The following DEPDC5 variants were observed in gnomAD, a reference collection of about 807,000 sequenced individuals.
DEPDC5 encodes GATOR1 complex protein DEPDC5.
Under a neutral mutation model 217.3 loss-of-function variants are expected in DEPDC5, and 73 were observed. The observed-to-expected ratio is 0.34, with a 90% CI of 0.28 to 0.41. The LOEUF (loss-of-function observed/expected upper bound fraction) is 0.41. Ranked by LOEUF, DEPDC5 falls within the 10% of genes least tolerant of loss-of-function variation. The pLI is 1.00. For synonymous variants in DEPDC5, 733 were observed against 756.7 expected (o/e 0.97, Z 0.51); for missense variants, 1,675 against 2,070.1 (o/e 0.81, Z 3.70).
At chr22:31,859,079 G>GTTTTTTTTTT (rs136864) in intron 32 of DEPDC5, 9 of 67,018 alleles carry the variant, frequency 1.3e-4, no homozygotes, top group Non-Finnish European at 2.2e-4. Context: ...CCATTCCTTT[G>GTTTTTTTTTT]TTTTTTTTTT....
At chr22:31,827,961 C>T (rs539562253) in intron 24 of DEPDC5, among the ~76,000 whole-genome samples, 2 of 152,300 alleles carry the variant, frequency 1.3e-5, no homozygotes, top group African/African-American at 2.4e-5. Context: ...TCCCACAGCT[C>T]GCTCTCTCGC....
At chr22:31,780,756 G>A (rs2084348127) in intron 8 of DEPDC5, among the ~76,000 whole-genome samples, 1 of 152,228 alleles carries the variant, frequency 6.6e-6, no homozygotes, top group South Asian at 2.1e-4. Context: ...CCACACTGCA[G>A]TAGGTGCGCT....
intron 6 of DEPDC5, among the ~76,000 whole-genome samples, chr22:31,768,211 A>G (rs1305991610): frequency 6.6e-6 from 1 of 151,872 alleles, no homozygotes. Context: ...AGTACACCAC[A>G]CCCACATTTA....
rs2093754451 is a variant in DEPDC5, at chr22:31,906,158, G to A, written c.4520-47G>A. 2 of 1,612,904 alleles carry A rather than the reference G, an allele frequency of 1.2e-6. No individual in the cohort carries two copies. Among genetic ancestry groups the A allele is most frequent in the Admixed American group, 1.7e-5 (1 of 59,894 alleles). On this transcript the variant is annotated intron_variant, in intron 42 of 42. Transcript: ENST00000651528. This position sits in a 1 kb window ranked among gnomAD's most constrained non-coding sequence, Gnocchi z 5.1. ...TGCAGAACCACCTCAGCAGGCTCCA[G>A]GAGCCCTCCTGGTGGCTGCCACACA...
At chr22:31,901,496 A>G (rs2093648080) in intron 40 of DEPDC5, among the ~76,000 whole-genome samples, 1 of 152,178 alleles carries the variant, frequency 6.6e-6, no homozygotes, top group African/African-American at 2.4e-5. Flanking sequence ...CTGACTGCTG[A>G]GGACTTCACC....
At chr22:31,763,412 A>G (rs373509253) in intron 4 of DEPDC5, among the ~76,000 whole-genome samples, 3 of 150,280 alleles carry the variant, frequency 2.0e-5, no homozygotes, top group African/African-American at 7.3e-5. Context: ...GGCGTGAGCC[A>G]CTGCACCATT....
chr22:31,794,331 C>A (rs2086005935), intron 12 of DEPDC5, among the ~76,000 whole-genome samples: 2 of 152,016 alleles, frequency 1.3e-5, no homozygotes, highest in South Asian at 4.1e-4. Flanking sequence ...CATGAGAGCT[C>A]TTCTGACTTA....
intron 26 of DEPDC5, 91 bp from the exon 27 acceptor site, chr22:31,838,594 G>T: frequency 6.6e-7 from 1 of 1,521,990 alleles, no homozygotes. Context: ...GTTATAAGGG[G>T]ATGAAGCAAA....
At chr22:31,824,366 A>G (rs537421163) in intron 24 of DEPDC5, among the ~76,000 whole-genome samples, 1 of 152,110 alleles carries the variant, frequency 6.6e-6, no homozygotes, top group Non-Finnish European at 1.5e-5. Context: ...AAAAAAAGAA[A>G]GGTGTCATGA....
At chr22:31,835,394 G>A (rs994199145) in intron 25 of DEPDC5, among the ~76,000 whole-genome samples, 1 of 152,142 alleles carries the variant, frequency 6.6e-6, no homozygotes, top group Non-Finnish European at 1.5e-5. Context: ...AGATACTGGG[G>A]TTAGAAAAGA....
chr22:31,803,446 T>C (rs1316667559), intron 15 of DEPDC5, among the ~76,000 whole-genome samples: 1 of 152,066 alleles, frequency 6.6e-6, no homozygotes, highest in Non-Finnish European at 1.5e-5. Context: ...TCTCCTGACC[T>C]TGTGATCCGC....
intron 12 of DEPDC5, 150 bp downstream of exon 12, chr22:31,792,967 G>C (rs898388211): frequency 6.5e-5 from 33 of 509,110 alleles, no homozygotes; most frequent in Admixed American, 4.8e-5. Context: ...CTACTTGGGA[G>C]GCTGAGGTGG....
intron 18 of DEPDC5, among the ~76,000 whole-genome samples, chr22:31,809,181 CAG>C (rs2148694364): frequency 6.6e-6 from 1 of 152,196 alleles, no homozygotes; most frequent in Admixed American, 6.5e-5. Context: ...GGGTGATATA[CAG>C]AGTGCTCAGC....
chr22:31,884,289 C>G lies in DEPDC5; in HGVS notation c.4033+4537C>G, dbSNP rs570437019. Among the ~76,000 whole-genome samples, 213 of 152,274 alleles carry G rather than the reference C, an allele frequency of 1.4e-3. 5 individuals are homozygous for G. The highest frequency in any genetic ancestry group is 7.3e-5 in the Non-Finnish European group (5 of 68,030). ...CTCAGTGTAGCACTTTGGCAGTCATCCCCCTCCCTGAATTCTCCCTCTCTG... is the reference window on the plus strand; with the variant it reads ...CTCAGTGTAGCACTTTGGCAGTCATGCCCCTCCCTGAATTCTCCCTCTCTG... On this transcript the variant is annotated intron_variant, in intron 38 of 42. Transcript: ENST00000651528.
At chr22:31,833,097 C>G (rs2090724203) in intron 24 of DEPDC5, among the ~76,000 whole-genome samples, 1 of 152,218 alleles carries the variant, frequency 6.6e-6, no homozygotes, top group African/African-American at 2.4e-5. Context: ...GTGTCTCACT[C>G]TATCACCCAG....
chr22:31,807,487 A>G (rs1040748732), intron 18 of DEPDC5, among the ~76,000 whole-genome samples: 1 of 152,186 alleles, frequency 6.6e-6, no homozygotes, highest in African/African-American at 2.4e-5. Flanking sequence ...GCTGGAGTGC[A>G]GTGGCGTGAT....
rs184219750 is a variant in DEPDC5, at chr22:31,782,979, T to C, written c.484-928T>C. 4.3e-3 allele frequency among the ~76,000 whole-genome samples: 648 copies of C among 152,268 alleles called. 2 individuals are homozygous for C. The highest frequency in any genetic ancestry group is 7.6e-3 in the Non-Finnish European group (515 of 68,012). ...TGTGGCTCATGCTTATTCCCAACAC[T>C]TCAGGAGGCAAAGGTGGTGAGAGGT... On this transcript the variant is annotated intron_variant, in intron 8 of 42. Transcript: ENST00000651528.
At chr22:31,765,204 T>C in intron 5 of DEPDC5, 144 bp downstream of exon 5, 1 of 672,134 alleles carries the variant, frequency 1.5e-6, no homozygotes. Flanking sequence ...TTTCAGTACA[T>C]CAGGAGGCTG....
intron 24 of DEPDC5, among the ~76,000 whole-genome samples, chr22:31,832,624 G>A (rs2090691114): frequency 6.6e-6 from 1 of 152,162 alleles, no homozygotes; most frequent in African/African-American, 2.4e-5. Context: ...CTGAGTGGCT[G>A]TGAACACAGG....
Sources: gnomAD v4.1 joint callset for allele counts (sites outside exome capture counted in the v4.1 genomes callset) on GRCh38, gnomAD v4.1.1 for gene constraint, Gnocchi (gnomAD v3.1) non-coding constraint, MANE v1.5 for transcripts, NCBI Gene and HGNC (gene_info 2026-07-23, HGNC 2026-07-21) for gene names.